AKAP13: variants seen among roughly 807,000 people sequenced by gnomAD.
The protein encoded by AKAP13 is A-kinase anchor protein 13.
Under a neutral mutation model 264.5 loss-of-function variants are expected in AKAP13, and 80 were observed. The observed-to-expected ratio is 0.30, with a 90% CI of 0.25 to 0.36. The LOEUF (loss-of-function observed/expected upper bound fraction) is 0.36, where lower values mean the gene tolerates loss of function less well. Ranked by LOEUF, AKAP13 falls within the 10% of genes least tolerant of loss-of-function variation. The pLI is 1.00. For synonymous variants in AKAP13, 1,380 were observed against 1,250.2 expected (o/e 1.10, Z -2.19); for missense variants, 3,712 against 3,435.2 (o/e 1.08, Z -2.01).
At chr15:85,538,979 C>T (rs1244370964) in intron 4 of AKAP13, among the ~76,000 whole-genome samples, 5 of 150,542 alleles carry the variant, frequency 3.3e-5, no homozygotes, top group East Asian at 2.0e-4. Context: ...TACAGGTGCC[C>T]GCCACCACGC....
chr15:85,662,721 T>C (rs1200360231), intron 12 of AKAP13, among the ~76,000 whole-genome samples: 1 of 152,230 alleles, frequency 6.6e-6, no homozygotes, highest in Non-Finnish European at 1.5e-5. Context: ...CTGTTTTGGT[T>C]TGTCTTGATT....
intron 29 of AKAP13, among the ~76,000 whole-genome samples, chr15:85,728,537 C>A (rs546348481): frequency 8.5e-5 from 13 of 152,286 alleles, no homozygotes; most frequent in Non-Finnish European, 2.9e-5. Context: ...AAGCTCACAC[C>A]CTAGCAGGGG....
intron 5 of AKAP13, among the ~76,000 whole-genome samples, chr15:85,563,203 AT>A (rs1035624730): frequency 1.3e-5 from 2 of 151,288 alleles, no homozygotes; most frequent in African/African-American, 2.4e-5. Flanking sequence ...GTGAATTGGT[AT>A]TTTTTTCCTC....
intron 3 of AKAP13, among the ~76,000 whole-genome samples, chr15:85,521,952 A>G (rs531962208): frequency 2.6e-5 from 4 of 152,302 alleles, no homozygotes; most frequent in African/African-American, 9.6e-5. Flanking sequence ...ATTTTTATGG[A>G]CAGGGAATAA....
chr15:85,694,940 A>G (rs192139923), intron 17 of AKAP13, among the ~76,000 whole-genome samples: 1 of 152,284 alleles, frequency 6.6e-6, no homozygotes, highest in Non-Finnish European at 1.5e-5. Flanking sequence ...AAAAATAGTT[A>G]ACTTACTGAA....
chr15:85,600,284 G>A (rs1008563033), intron 8 of AKAP13, among the ~76,000 whole-genome samples: 6 of 143,954 alleles, frequency 4.2e-5, no homozygotes, highest in Non-Finnish European at 9.0e-5. Flanking sequence ...TATCACCCCA[G>A]CATAGAATGG....
intron 24 of AKAP13, 27 bp from the exon 25 acceptor site, chr15:85,722,203 C>T (rs940723315): frequency 1.2e-6 from 2 of 1,609,102 alleles, no homozygotes; most frequent in Middle Eastern, 3.3e-4. Flanking sequence ...TCATGTGATT[C>T]CTCACAGTCT....
chr15:85,524,279 G>A (rs905143980), intron 3 of AKAP13, among the ~76,000 whole-genome samples: 4 of 147,570 alleles, frequency 2.7e-5, no homozygotes, highest in Admixed American at 2.1e-4. Flanking sequence ...CTGGGTTCAA[G>A]CAGTTCTCCT....
intron 8 of AKAP13, 137 bp downstream of exon 8, chr15:85,585,960 A>C: frequency 1.7e-6 from 2 of 1,193,376 alleles, no homozygotes; most frequent in Non-Finnish European, 2.3e-6. Flanking sequence ...GTGCTGTTAT[A>C]TAAATGTGTT....
chr15:85,664,663 T>C lies in AKAP13; in HGVS notation c.4900T>C (p.Phe1634Leu), dbSNP rs1567182650. The C allele has an allele frequency of 1.4e-5, 22 of 1,614,116 alleles. No individual in the cohort carries two copies. The highest frequency in any genetic ancestry group is 1.8e-5 in the Non-Finnish European group (21 of 1,179,976). The change falls in exon 13 of 37, where the codon TTC becomes CTC. Residue 1634 changes from phenylalanine to leucine, a missense_variant. Phe to Leu is a conservative substitution (Grantham distance 22, BLOSUM62 0). Coordinates refer to ENST00000394518, the MANE Select transcript of AKAP13 (RefSeq NM_007200.5). ...AAATGCCGAAGAGCTCAGACACCCA[T>C]TCAGTGGTGAGGAACGGGTTGACTC... ...SANAEELRHP[F>L]SGEERVDSLV...
chr15:85,517,180 T>A (rs554361202), intron 2 of AKAP13, among the ~76,000 whole-genome samples: 1 of 152,316 alleles, frequency 6.6e-6, no homozygotes, highest in African/African-American at 2.4e-5. Flanking sequence ...CTATCTAAGA[T>A]GACATCAGTG....
At position 85,626,866 on chromosome 15, in the gene AKAP13, G is replaced by A. The variant is rs77735330; in HGVS notation, c.4162-12508G>A. On this transcript the variant is annotated intron_variant, in intron 8 of 36. Coordinates refer to ENST00000394518, the MANE Select transcript of AKAP13 (RefSeq NM_007200.5). ...CCTGCACCATTTTACATTCCCACCA[G>A]CAATGAACAAGAATTCCAATTTCAA... 2.5e-4 allele frequency among the ~76,000 whole-genome samples: 38 copies of A among 152,056 alleles called. 1 individual carries two copies. In the East Asian group the frequency reaches 7.4e-3, roughly 29 times the overall value.
intron 1 of AKAP13, among the ~76,000 whole-genome samples, chr15:85,440,190 C>G (rs1264929110): frequency 6.6e-6 from 1 of 152,152 alleles, no homozygotes; most frequent in Non-Finnish European, 1.5e-5. Context: ...TTCCCTTCCT[C>G]TAAGCACACA....
chr15:85,457,657 C>T (rs908524304), intron 1 of AKAP13, among the ~76,000 whole-genome samples: 3 of 152,180 alleles, frequency 2.0e-5, no homozygotes, highest in African/African-American at 7.2e-5. Context: ...CCTTTAGGCT[C>T]TTTTGCTTAC....
intron 2 of AKAP13, among the ~76,000 whole-genome samples, chr15:85,505,798 T>C (rs774142938): frequency 1.3e-5 from 2 of 152,202 alleles, no homozygotes; most frequent in African/African-American, 2.4e-5. Flanking sequence ...GAGACAGATA[T>C]AGGAAAAGCC....
chr15:85,439,974 A>AATAATAATAAT (rs1567057955), intron 1 of AKAP13, among the ~76,000 whole-genome samples: 1 of 143,426 alleles, frequency 7.0e-6, no homozygotes, highest in Non-Finnish European at 1.6e-5. Flanking sequence ...GTATAATAAA[A>AATAATAATAAT]AATAATAATA....
At position 85,718,188 on chromosome 15, in the gene AKAP13, A is replaced by G. The variant is rs2087060916; in HGVS notation, c.6001+29A>G. 1 of 1,607,914 alleles carries G rather than the reference A, an allele frequency of 6.2e-7. No individual in the cohort carries two copies. Among genetic ancestry groups the G allele is most frequent in the Non-Finnish European group, 8.5e-7 (1 of 1,175,280 alleles). Reference sequence around the variant, plus strand: ...AGAGTCTTCATTTTGCTCTGATTATATTTGATTTCCATTGTCCAGCATTTT... The same window carrying G: ...AGAGTCTTCATTTTGCTCTGATTATGTTTGATTTCCATTGTCCAGCATTTT... On this transcript the variant is annotated intron_variant, in intron 22 of 36. Coordinates refer to ENST00000394518, the MANE Select transcript of AKAP13 (RefSeq NM_007200.5). The surrounding 1 kb of genome is among the most constrained non-coding windows in gnomAD (Gnocchi z 4.9).
chr15:85,534,162 A>G (rs1178809464), intron 4 of AKAP13: 2 of 422,526 alleles, frequency 4.7e-6, no homozygotes, highest in Non-Finnish European at 8.4e-6. Context: ...TCTCAAGTGT[A>G]GAAAGTGACA....
intron 1 of AKAP13, among the ~76,000 whole-genome samples, chr15:85,458,780 A>G (rs1482288353): frequency 6.6e-6 from 1 of 152,178 alleles, no homozygotes; most frequent in African/African-American, 2.4e-5. Context: ...AAATTACTTA[A>G]CAGCTTAAGT....
Sources: gnomAD v4.1 joint callset for allele counts (sites outside exome capture counted in the v4.1 genomes callset) on GRCh38, gnomAD v4.1.1 for gene constraint, Gnocchi (gnomAD v3.1) non-coding constraint, MANE v1.5 for transcripts, NCBI Gene and HGNC (gene_info 2026-07-23, HGNC 2026-07-21) for gene names.